PLCL1: variants seen among roughly 807,000 people sequenced by gnomAD.
PLCL1 encodes the protein phospholipase C like 1 (inactive), also known as inactive phospholipase C-like protein 1.
A neutral mutation model predicts 84.4 loss-of-function variants in PLCL1; 41 were observed. That is an observed-to-expected ratio of 0.49 (90% CI 0.38 to 0.63). PLCL1 has a LOEUF of 0.63. Ranked by LOEUF, PLCL1 falls within the 30% of genes least tolerant of loss-of-function variation. The pLI, the probability that PLCL1 is intolerant of heterozygous loss-of-function variation, is 0.00. For missense variants in PLCL1, 1,206 were observed against 1,367.8 expected (o/e 0.88, Z 1.87); for synonymous variants, 490 against 488.3 (o/e 1.00, Z -0.05).
chr2:197,882,705 C>G (rs1035801084), intron 1 of PLCL1, among the ~76,000 whole-genome samples: 1 of 152,092 alleles, frequency 6.6e-6, no homozygotes, highest in Non-Finnish European at 1.5e-5. Flanking sequence ...AAAAAACTTT[C>G]CTTTATGCAC....
At chr2:198,008,350 A>G (rs1348671004) in intron 1 of PLCL1, among the ~76,000 whole-genome samples, 2 of 152,026 alleles carry the variant, frequency 1.3e-5, no homozygotes, top group Non-Finnish European at 2.9e-5. Flanking sequence ...TCTACTCATG[A>G]AACAACTCCC....
chr2:197,930,821 C>T (rs1207548584), intron 1 of PLCL1, among the ~76,000 whole-genome samples: 4 of 152,168 alleles, frequency 2.6e-5, no homozygotes, highest in Non-Finnish European at 4.4e-5. Flanking sequence ...CAAAAGTTCC[C>T]ACATAAGGAG....
intron 5 of PLCL1, among the ~76,000 whole-genome samples, chr2:198,116,732 C>G (rs1427164045): frequency 2.0e-5 from 3 of 151,746 alleles, no homozygotes; most frequent in African/African-American, 7.3e-5. Flanking sequence ...GAAAGGTTAA[C>G]AAGTCGTTAT....
At chr2:197,998,175 A>ATGTGTGTGTG (rs58332002) in intron 1 of PLCL1, among the ~76,000 whole-genome samples, 3,764 of 131,880 alleles carry the variant, frequency 0.029, 84 homozygotes, top group Non-Finnish European at 0.037. Flanking sequence ...GAATGGAGCT[A>ATGTGTGTGTG]TGTGTGTGTG....
rs1213252375 is a variant in PLCL1 at position 198,084,044 on chromosome 2, G to A, written c.527G>A (p.Arg176Lys). The change falls in exon 2 of 6, where the codon AGA (arginine) becomes AAA (lysine). Residue 176 changes from arginine to lysine, a missense_variant. Transcript: ENST00000428675. The part of the protein sequence containing the change: ...IRLGKNTETF[R>K]NNGLADQICE... Reference sequence around the variant, plus strand: ...CTGGGGAAAAACACGGAAACATTTAGAAACAATGGCCTTGCTGACCAGATC... The same window carrying A: ...CTGGGGAAAAACACGGAAACATTTAAAAACAATGGCCTTGCTGACCAGATC... 17 of 1,614,068 alleles carry A rather than the reference G, an allele frequency of 1.1e-5. No individual in the cohort carries two copies. Among genetic ancestry groups the A allele is most frequent in the Non-Finnish European group, 1.4e-5 (17 of 1,180,022 alleles).
In PLCL1 at chr2:197,916,288, T is replaced by G. The variant is rs570050004; in HGVS notation, c.240+110949T>G. Among the ~76,000 whole-genome samples the G allele has an allele frequency of 9.2e-5, 14 of 152,358 alleles. 1 individual carries two copies. Among genetic ancestry groups the G allele is most frequent in the Admixed American group, 8.5e-4 (13 of 15,308 alleles). The stretch of plus-strand genomic sequence containing the variant: ...AAGAATATAAGTTGTTTTTAGCTTT[T>G]TATCTTTCTAGTTTCTAGGCAGTGT... On this transcript the variant is annotated intron_variant, in intron 1 of 5. Transcript: ENST00000428675.
At chr2:197,976,484 T>C (rs2105801222) in intron 1 of PLCL1, among the ~76,000 whole-genome samples, 1 of 152,296 alleles carries the variant, frequency 6.6e-6, no homozygotes, top group African/African-American at 2.4e-5. Context: ...AGTCTCACTC[T>C]GTCACCCAGG....
intron 1 of PLCL1, among the ~76,000 whole-genome samples, chr2:197,865,504 T>C (rs1687511785): frequency 6.6e-6 from 1 of 152,062 alleles, no homozygotes; most frequent in Admixed American, 6.6e-5. Context: ...GCAGGGGAGA[T>C]CAGGACAGAA....
chr2:197,971,017 A>G (rs755189563), intron 1 of PLCL1, among the ~76,000 whole-genome samples: 82 of 152,374 alleles, frequency 5.4e-4, no homozygotes, highest in Non-Finnish European at 7.8e-4. Flanking sequence ...GGCTGGGGTT[A>G]TGCCCATTAA....
intron 5 of PLCL1, among the ~76,000 whole-genome samples, chr2:198,139,467 A>G (rs1391156980): frequency 6.6e-6 from 1 of 152,214 alleles, no homozygotes; most frequent in Non-Finnish European, 1.5e-5. Flanking sequence ...TTGCATTCAT[A>G]TTAAGTACAG....
chr2:197,905,004 G>A (rs899230125), intron 1 of PLCL1, among the ~76,000 whole-genome samples: 14 of 152,132 alleles, frequency 9.2e-5, no homozygotes, highest in Admixed American at 6.5e-4. Flanking sequence ...TTCAGGGCAT[G>A]CCATAGGTGA....
intron 1 of PLCL1, among the ~76,000 whole-genome samples, chr2:197,879,859 A>C (rs887660749): frequency 6.6e-6 from 1 of 152,172 alleles, no homozygotes; most frequent in Non-Finnish European, 1.5e-5. Context: ...CTGCAGTTTG[A>C]TTAAGATAGA....
intron 1 of PLCL1, among the ~76,000 whole-genome samples, chr2:198,031,745 C>T (rs1232956730): frequency 1.3e-5 from 2 of 151,026 alleles, no homozygotes; most frequent in African/African-American, 2.4e-5. Flanking sequence ...GTCTTGTCAC[C>T]CCCCTATTGA....
chr2:198,062,872 G>A (rs1251357107), intron 1 of PLCL1, among the ~76,000 whole-genome samples: 1 of 152,220 alleles, frequency 6.6e-6, no homozygotes, highest in Non-Finnish European at 1.5e-5. Context: ...ATGATGTAAT[G>A]CAGTAAAACT....
chr2:197,807,358 G>T (rs1690506202), intron 1 of PLCL1, among the ~76,000 whole-genome samples: 1 of 152,232 alleles, frequency 6.6e-6, no homozygotes, highest in South Asian at 2.1e-4. Flanking sequence ...AAAAAAATCT[G>T]GCTAGAGTTT....
intron 1 of PLCL1, among the ~76,000 whole-genome samples, chr2:198,002,965 C>T (rs114862436): frequency 2.7e-4 from 41 of 152,260 alleles, no homozygotes; most frequent in African/African-American, 9.9e-4. Flanking sequence ...TTCCAGCCCT[C>T]TATGTGAACT....
intron 1 of PLCL1, among the ~76,000 whole-genome samples, chr2:198,080,826 G>C (rs570736599): frequency 1.3e-5 from 2 of 152,302 alleles, no homozygotes; most frequent in African/African-American, 4.8e-5. Context: ...CTGGTTCCAA[G>C]TTTTAGGTGG....
chr2:197,889,411 G>GAT (rs1687974563), intron 1 of PLCL1, among the ~76,000 whole-genome samples: 1 of 152,030 alleles, frequency 6.6e-6, no homozygotes, highest in South Asian at 2.1e-4. Context: ...CTCTTTTGGA[G>GAT]ATATGATTTT....
chr2:198,091,585 C>T (rs1251202350), intron 3 of PLCL1, among the ~76,000 whole-genome samples: 1 of 151,868 alleles, frequency 6.6e-6, no homozygotes, highest in African/African-American at 2.4e-5. Flanking sequence ...GAGGCTGAGG[C>T]AGGAGAATCG....
Sources: gnomAD v4.1 joint callset for allele counts (sites outside exome capture counted in the v4.1 genomes callset) on GRCh38, gnomAD v4.1.1 for gene constraint, MANE v1.5 for transcripts, NCBI Gene and HGNC (gene_info 2026-07-23, HGNC 2026-07-21) for gene names.